The following UPP2 variants were observed in gnomAD, a reference collection of about 807,000 sequenced individuals.
The protein encoded by UPP2 is uridine phosphorylase 2.
Under a neutral mutation model 26.7 loss-of-function variants are expected in UPP2, and 23 were observed. The ratio of observed to expected loss-of-function variants is 0.86; its 90% confidence interval spans 0.62 to 1.22. The LOEUF (loss-of-function observed/expected upper bound fraction) is 1.22, where lower values mean the gene tolerates loss of function less well. Among genes scored for constraint, UPP2 ranks in the 50% most tolerant of loss-of-function variants. The pLI is 0.00. For missense variants in UPP2, 387 were observed against 396.7 expected, an observed-to-expected ratio of 0.98 and a Z score of 0.21; for synonymous variants, 127 against 141.3, an observed-to-expected ratio of 0.90 and a Z score of 0.72.
At chr2:158,120,958 C>T (rs75558464) in intron 4 of UPP2, among the ~76,000 whole-genome samples, 5 of 151,772 alleles carry the variant, frequency 3.3e-5, no homozygotes, top group Non-Finnish European at 7.4e-5. Flanking sequence ...TACATGAAGT[C>T]GGCGAGAGAA....
Position 158,118,287 on chromosome 2 carries a change from TA to T in UPP2, c.454+360del, listed in dbSNP as rs145239989. ...AGTGACAGAAATAAGTGTGTTCAAG[TA>T]AAAAAAAAAATCATAAAAATGTCCC... On this transcript the variant is annotated intron_variant, in intron 4 of 6. Coordinates refer to ENST00000005756, the MANE Select transcript of UPP2 (RefSeq NM_173355.4). 1.1e-3 allele frequency among the ~76,000 whole-genome samples: 162 copies of T among 145,996 alleles called. 3 individuals are homozygous for T. Among genetic ancestry groups the T allele is most frequent in the African/African-American group, 2.6e-3 (105 of 40,036 alleles).
At chr2:158,037,051 A>G (rs1684012917) in intron 3 of UPP2, among the ~76,000 whole-genome samples, 1 of 152,150 alleles carries the variant, frequency 6.6e-6, no homozygotes. Context: ...AGGGCTAACC[A>G]GGCTCTGACT....
intron 3 of UPP2, among the ~76,000 whole-genome samples, chr2:158,094,928 G>A (rs776773749): frequency 2.6e-5 from 4 of 152,100 alleles, no homozygotes; most frequent in Non-Finnish European, 4.4e-5. Flanking sequence ...CTGGTTAAGC[G>A]CTTTCATCAG....
chr2:158,120,796 A>C (rs964561323), intron 4 of UPP2, among the ~76,000 whole-genome samples: 6 of 151,960 alleles, frequency 3.9e-5, no homozygotes, highest in African/African-American at 1.4e-4. Flanking sequence ...CTGAAGAGTG[A>C]CTTGGTGTGT....
chr2:158,089,490 C>A (rs1262872645), intron 3 of UPP2, among the ~76,000 whole-genome samples: 2 of 152,218 alleles, frequency 1.3e-5, no homozygotes, highest in Admixed American at 6.5e-5. Flanking sequence ...ACTCCCGATT[C>A]AACCACCCCC....
chr2:158,133,366 G>C (rs1683864119), intron 6 of UPP2, among the ~76,000 whole-genome samples: 1 of 152,130 alleles, frequency 6.6e-6, no homozygotes. Context: ...AGAGTATAGG[G>C]GAGCAGGATG....
chr2:158,038,039 G>A (rs1427702643), intron 3 of UPP2, among the ~76,000 whole-genome samples: 3 of 152,180 alleles, frequency 2.0e-5, no homozygotes, highest in African/African-American at 7.2e-5. Flanking sequence ...CTGCTGCATT[G>A]TTTTCCCATT....
chr2:158,002,423 TCTG>T (rs1683423579), intron 2 of UPP2, among the ~76,000 whole-genome samples: 1 of 152,192 alleles, frequency 6.6e-6, no homozygotes, highest in South Asian at 2.1e-4. Flanking sequence ...GGCCCAACTC[TCTG>T]CTCTTTATTT....
intron 6 of UPP2, chr2:158,127,918 T>A (rs1323597056): frequency 1.2e-6 from 1 of 826,168 alleles, no homozygotes; most frequent in Non-Finnish European, 1.5e-6. Context: ...AATAAATGCA[T>A]TCTCCTATCA....
At chr2:158,011,469 T>C (rs1317434835) in intron 2 of UPP2, among the ~76,000 whole-genome samples, 1 of 151,950 alleles carries the variant, frequency 6.6e-6, no homozygotes, top group South Asian at 2.1e-4. Flanking sequence ...TCCTTTCCCA[T>C]AAAGTTTTGA....
At chr2:158,105,354 G>T (rs953624947) in intron 1 of UPP2, among the ~76,000 whole-genome samples, 1 of 152,134 alleles carries the variant, frequency 6.6e-6, no homozygotes, top group Non-Finnish European at 1.5e-5. Flanking sequence ...GGGGGTTTGA[G>T]CCAGGGCCAT....
chr2:158,125,276 A>C (rs16842631), intron 6 of UPP2, among the ~76,000 whole-genome samples: 381 of 152,328 alleles, frequency 2.5e-3, no homozygotes, highest in Middle Eastern at 0.01. Context: ...TCATATTTCT[A>C]AGAATGCATT....
chr2:158,081,067 C>A, intron 3 of UPP2, among the ~76,000 whole-genome samples: 1 of 152,114 alleles, frequency 6.6e-6, no homozygotes, highest in East Asian at 1.9e-4. Context: ...TCTCAAATGA[C>A]TTACAGACAT....
At chr2:158,037,171 G>GCA (rs1684015992) in intron 3 of UPP2, among the ~76,000 whole-genome samples, 1 of 151,882 alleles carries the variant, frequency 6.6e-6, no homozygotes, top group South Asian at 2.1e-4. Flanking sequence ...TCAGGAGTTT[G>GCA]AGACCAGTCT....
At chr2:158,059,603 T>G (rs995822439) in intron 3 of UPP2, among the ~76,000 whole-genome samples, 3 of 152,198 alleles carry the variant, frequency 2.0e-5, no homozygotes, top group African/African-American at 7.2e-5. Flanking sequence ...TTGGTCATAT[T>G]GGGCAAAAGG....
At chr2:158,023,252 T>C (rs1683784350) in intron 3 of UPP2, among the ~76,000 whole-genome samples, 1 of 144,538 alleles carries the variant, frequency 6.9e-6, no homozygotes, top group Non-Finnish European at 1.5e-5. Flanking sequence ...TTTGGAAGGC[T>C]TTCAGTCCAG....
chr2:158,072,817 A>G (rs911903242), intron 3 of UPP2, among the ~76,000 whole-genome samples: 1 of 152,218 alleles, frequency 6.6e-6, no homozygotes, highest in African/African-American at 2.4e-5. Flanking sequence ...TGATCATGGG[A>G]CACAAGTCCC....
At chr2:158,013,965 C>T (rs1237964314) in intron 2 of UPP2, among the ~76,000 whole-genome samples, 1 of 152,206 alleles carries the variant, frequency 6.6e-6, no homozygotes, top group Non-Finnish European at 1.5e-5. Context: ...TGTTCTTCCT[C>T]CCACAGCTGT....
chr2:158,108,887 CGTGTGTGTGTGTGTGTGTGT>C (rs748328980), intron 2 of UPP2, among the ~76,000 whole-genome samples: 87 of 133,128 alleles, frequency 6.5e-4, no homozygotes, highest in African/African-American at 2.3e-3. Flanking sequence ...GAGGCAAAAG[CGTGTGTGTGTGTGTGTGTGT>C]GTGTGTGTGT....
Sources: gnomAD v4.1 joint callset for allele counts (sites outside exome capture counted in the v4.1 genomes callset) on GRCh38, gnomAD v4.1.1 for gene constraint, MANE v1.5 for transcripts, NCBI Gene and HGNC (gene_info 2026-07-23, HGNC 2026-07-21) for gene names.